The following PDGFD variants were observed in gnomAD, a reference collection of about 807,000 sequenced individuals.
PDGFD encodes platelet derived growth factor D.
In PDGFD, 30 loss-of-function variants were observed where a neutral mutation model predicts 44.7. That is an observed-to-expected ratio of 0.67 (90% CI 0.50 to 0.91). The LOEUF (loss-of-function observed/expected upper bound fraction) is 0.91. Among genes scored for constraint, PDGFD ranks in the 40% least tolerant of loss-of-function variants. The pLI is 0.00. For synonymous variants in PDGFD, 173 were observed against 168.4 expected, an observed-to-expected ratio of 1.03 and a Z score of -0.21; for missense variants, 445 against 457.8, an observed-to-expected ratio of 0.97 and a Z score of 0.25.
chr11:103,973,121 G>A (rs373450255), intron 3 of PDGFD, among the ~76,000 whole-genome samples: 2 of 150,050 alleles, frequency 1.3e-5, no homozygotes, highest in East Asian at 3.9e-4. Context: ...ATGATATAAC[G>A]AAGAAGAAAG....
intron 1 of PDGFD, among the ~76,000 whole-genome samples, chr11:104,045,138 G>A (rs970856859): frequency 3.6e-4 from 55 of 152,238 alleles, no homozygotes; most frequent in African/African-American, 1.2e-3. Flanking sequence ...ACTAGTGTTA[G>A]AAGCGGATTT....
chr11:104,150,137 A>G (rs1862221126), intron 1 of PDGFD, among the ~76,000 whole-genome samples: 1 of 152,204 alleles, frequency 6.6e-6, no homozygotes, highest in Non-Finnish European at 1.5e-5. Flanking sequence ...GGAATTAAAA[A>G]TGAAAAAACA....
intron 3 of PDGFD, among the ~76,000 whole-genome samples, chr11:103,953,177 TATACAAAATGTATAC>T (rs1174771590): frequency 3.9e-5 from 6 of 152,136 alleles, no homozygotes. Flanking sequence ...AAGATGTATA[TATACAAAATGTATAC>T]ATACAAAATG....
At chr11:104,015,268 T>C (rs1428385871) in intron 1 of PDGFD, among the ~76,000 whole-genome samples, 1 of 152,220 alleles carries the variant, frequency 6.6e-6, no homozygotes, top group Non-Finnish European at 1.5e-5. Flanking sequence ...TTGCTACAAA[T>C]GACATGCTAT....
chr11:104,156,421 C>A (rs574966634), intron 1 of PDGFD, among the ~76,000 whole-genome samples: 2 of 152,186 alleles, frequency 1.3e-5, no homozygotes, highest in South Asian at 4.1e-4. Flanking sequence ...GGCTTCAAAT[C>A]GTGTTTGGCT....
At chr11:104,128,214 T>G (rs1861867152) in intron 1 of PDGFD, among the ~76,000 whole-genome samples, 1 of 150,192 alleles carries the variant, frequency 6.7e-6, no homozygotes, top group South Asian at 2.1e-4. Context: ...CTGTGCCCAT[T>G]GAAAAAAATG....
chr11:104,133,899 A>G (rs1861961668), intron 1 of PDGFD, among the ~76,000 whole-genome samples: 1 of 152,118 alleles, frequency 6.6e-6, no homozygotes, highest in Non-Finnish European at 1.5e-5. Flanking sequence ...TACCAGGGAC[A>G]TGATATGGTA....
chr11:104,062,155 A>G (rs1860727389), intron 1 of PDGFD, among the ~76,000 whole-genome samples: 1 of 152,216 alleles, frequency 6.6e-6, no homozygotes, highest in African/African-American at 2.4e-5. Flanking sequence ...TAGGAGATAA[A>G]GGGTAGCAAC....
intron 5 of PDGFD, among the ~76,000 whole-genome samples, chr11:103,941,099 G>A (rs1858576928): frequency 6.6e-6 from 1 of 152,060 alleles, no homozygotes; most frequent in Non-Finnish European, 1.5e-5. Flanking sequence ...CTCTAAAGTA[G>A]TGTTTCTTGA....
Position 103,993,631 on chromosome 11 carries a change from T to C in PDGFD, c.510+2434A>G, listed in dbSNP as rs187639756. 9.9e-5 allele frequency among the ~76,000 whole-genome samples: 15 copies of C among 152,158 alleles called. 1 individual carries two copies. Among genetic ancestry groups the C allele is most frequent in the Admixed American group, 8.5e-4 (13 of 15,270 alleles). Reference sequence around the variant, plus strand: ...AGCCTCTCCAAGTAAAATTTAAACATGAATAAAGTGATCTTCCCAGTACAG... The same window carrying C: ...AGCCTCTCCAAGTAAAATTTAAACACGAATAAAGTGATCTTCCCAGTACAG... On this transcript the variant is annotated intron_variant, in intron 3 of 6. Transcript: ENST00000393158.
chr11:104,109,772 T>TG (rs1266618095), intron 1 of PDGFD, among the ~76,000 whole-genome samples: 12 of 151,902 alleles, frequency 7.9e-5, no homozygotes, highest in Middle Eastern at 6.8e-3. Context: ...CATCATTAAG[T>TG]TAAAAAAAAA....
At chr11:103,976,537 T>A (rs759394119) in intron 3 of PDGFD, among the ~76,000 whole-genome samples, 2 of 152,178 alleles carry the variant, frequency 1.3e-5, no homozygotes, top group Admixed American at 1.3e-4. Context: ...TCTTGCCTGA[T>A]TGCCCTGGCC....
At chr11:104,048,388 T>C (rs1037380770) in intron 1 of PDGFD, among the ~76,000 whole-genome samples, 4 of 152,096 alleles carry the variant, frequency 2.6e-5, no homozygotes, top group African/African-American at 9.7e-5. Flanking sequence ...TTTATTTTTC[T>C]ACTCTCTTCT....
chr11:104,017,229 G>A (rs997162923), intron 1 of PDGFD, among the ~76,000 whole-genome samples: 8 of 152,192 alleles, frequency 5.3e-5, no homozygotes, highest in African/African-American at 9.6e-5. Flanking sequence ...CTGTAGAAAT[G>A]TGAGAAATAA....
At chr11:104,127,710 T>C (rs1221035160) in intron 1 of PDGFD, among the ~76,000 whole-genome samples, 1 of 152,080 alleles carries the variant, frequency 6.6e-6, no homozygotes, top group African/African-American at 2.4e-5. Flanking sequence ...CGTGTGTGTG[T>C]GTGCATGTGT....
chr11:104,128,439 C>T (rs958986277), intron 1 of PDGFD, among the ~76,000 whole-genome samples: 22 of 152,044 alleles, frequency 1.4e-4, no homozygotes, highest in Non-Finnish European at 3.2e-4. Context: ...AACAAAACAC[C>T]GATTTTGCTT....
rs77380445 is a variant in PDGFD at position 104,156,114 on chromosome 11, T to A, written c.124+7690A>T. Among the ~76,000 whole-genome samples the A allele has an allele frequency of 7.3e-3, 1,117 of 152,316 alleles. 14 individuals carry two copies. The highest frequency in any genetic ancestry group is 0.025 in the African/African-American group (1,041 of 41,568). ...ATGCATGTTAATTAGTTTGATTTAG[T>A]CAACACTGTATACATATTTCAAAAC... On this transcript the variant is annotated intron_variant, in intron 1 of 6. Coordinates refer to ENST00000393158, the MANE Select transcript of PDGFD (RefSeq NM_025208.5).
intron 5 of PDGFD, among the ~76,000 whole-genome samples, chr11:103,935,960 C>A (rs1344170129): frequency 6.6e-6 from 1 of 152,176 alleles, no homozygotes; most frequent in African/African-American, 2.4e-5. Flanking sequence ...CAAGTCCATG[C>A]TCTTTCCATT....
intron 3 of PDGFD, among the ~76,000 whole-genome samples, chr11:103,958,918 T>C (rs2134335349): frequency 6.6e-6 from 1 of 152,284 alleles, no homozygotes; most frequent in Non-Finnish European, 1.5e-5. Context: ...AATTATTCCA[T>C]TACTAATTAA....
Sources: gnomAD v4.1 joint callset for allele counts (sites outside exome capture counted in the v4.1 genomes callset) on GRCh38, gnomAD v4.1.1 for gene constraint, MANE v1.5 for transcripts, NCBI Gene and HGNC (gene_info 2026-07-23, HGNC 2026-07-21) for gene names.